Variants in UNC80 observed in about 807,000 individuals in gnomAD.
UNC80 encodes the protein unc-80 subunit of NALCN channel complex, also known as protein unc-80 homolog.
UNC80 carries 164 observed loss-of-function variants against 384.6 expected under a neutral mutation model. The ratio of observed to expected loss-of-function variants is 0.43; its 90% CI spans 0.38 to 0.49. UNC80 has a LOEUF of 0.49. Ranked by LOEUF, UNC80 falls within the 20% of genes least tolerant of loss-of-function variation. UNC80 has a pLI of 0.00. For missense variants in UNC80, 3,330 were observed against 4,143.0 expected (o/e 0.80, Z 5.39); for synonymous variants, 1,486 against 1,527.8 (o/e 0.97, Z 0.64).
intron 58 of UNC80, 107 bp from the exon 59 acceptor site, chr2:209,978,422 A>G (rs1163603881): frequency 9.2e-6 from 9 of 974,250 alleles, no homozygotes; most frequent in South Asian, 2.4e-5. Context: ...TCTGGGACAC[A>G]TTATTTAACT....
chr2:209,835,133 C>A, intron 18 of UNC80, 123 bp downstream of exon 18: 1 of 732,044 alleles, frequency 1.4e-6, no homozygotes. Flanking sequence ...TTGTTTCTAC[C>A]CTTTACATTT....
intron 59 of UNC80, 126 bp from the exon 60 acceptor site, chr2:209,982,053 A>T: frequency 1.1e-6 from 1 of 874,674 alleles, no homozygotes. Flanking sequence ...GACCAATGAT[A>T]ATTTAGATTT....
chr2:209,944,941 T>A, intron 45 of UNC80, 110 bp from the exon 46 acceptor site: 1 of 1,224,386 alleles, frequency 8.2e-7, no homozygotes. Context: ...GAATTCCAGG[T>A]AGATGTTGTA....
intron 9 of UNC80, among the ~76,000 whole-genome samples, chr2:209,816,660 C>T (rs1265436088): frequency 1.3e-5 from 2 of 152,188 alleles, no homozygotes; most frequent in African/African-American, 2.4e-5. Context: ...AGGGACCACA[C>T]TTTGCAAACC....
intron 58 of UNC80, 122 bp downstream of exon 58, chr2:209,977,200 A>G: frequency 9.7e-7 from 1 of 1,031,264 alleles, no homozygotes; most frequent in Non-Finnish European, 1.3e-6. Context: ...ATTTTGGTAC[A>G]CTGTTAGATT....
chr2:209,967,142 T>G lies in UNC80; in HGVS notation c.7806-295T>G, dbSNP rs1340019333. ...CACATGCACATTCTCAGAAATGACA[T>G]TCTCTAAATATATTTGGCCTATCCT... On this transcript the variant is annotated intron_variant, in intron 51 of 64. Transcript: ENST00000673920. Among the ~76,000 whole-genome samples, 3 of 152,342 alleles carry G rather than the reference T, an allele frequency of 2.0e-5. No individual in the cohort carries two copies. In the East Asian group the frequency reaches 5.8e-4, roughly 29 times the overall value.
intron 35 of UNC80, 82 bp downstream of exon 35, chr2:209,922,465 A>T (rs2090113222): frequency 1.4e-6 from 2 of 1,388,720 alleles, no homozygotes; most frequent in African/African-American, 1.4e-5. Flanking sequence ...ATCTCACTTG[A>T]TTACATTGTC....
Position 209,777,366 on chromosome 2 carries a change from A to G in UNC80, c.407A>G (p.Asp136Gly). The G allele has an allele frequency of 6.2e-7, 1 of 1,614,162 alleles. No individual in the cohort carries two copies. Among genetic ancestry groups the G allele is most frequent in the Admixed American group, 1.7e-5 (1 of 60,016 alleles). The change falls in exon 4 of 65, where the codon GAC becomes GGC. Residue 136 changes from aspartate (D) to glycine (G), a missense_variant. Asp to Gly is a moderately conservative substitution (Grantham distance 94). Around this residue, in one of 8 missense-constraint regions of UNC80, gnomAD observed 937 missense variants for 1,026.8 expected, o/e 0.91. Transcript: ENST00000673920. ...DCNNERFGGT[D>G]RGSSWGGSSS... ...AACAATGAGCGGTTTGGGGGTACAG[A>G]CCGAGGCTCCAGCTGGGGTGGAAGC...
intron 43 of UNC80, 51 bp from the exon 44 acceptor site, chr2:209,941,170 A>G: frequency 6.9e-7 from 1 of 1,454,734 alleles, no homozygotes; most frequent in Admixed American, 2.4e-5. Context: ...TCTCATGCTG[A>G]CAGGATTGGT....
At chr2:209,841,764 C>CT (rs760477778) in intron 20 of UNC80, among the ~76,000 whole-genome samples, 3 of 152,154 alleles carry the variant, frequency 2.0e-5, no homozygotes, top group African/African-American at 4.8e-5. Flanking sequence ...TCCTTACCTT[C>CT]TATTTGCTAA....
At chr2:209,974,049 A>G (rs903506155) in intron 56 of UNC80, among the ~76,000 whole-genome samples, 9 of 152,058 alleles carry the variant, frequency 5.9e-5, no homozygotes, top group African/African-American at 2.2e-4. Flanking sequence ...GGAAAAGACC[A>G]CTCTTGCCAT....
chr2:209,859,325 T>A (rs943610958), intron 22 of UNC80, among the ~76,000 whole-genome samples: 1 of 152,234 alleles, frequency 6.6e-6, no homozygotes, highest in Non-Finnish European at 1.5e-5. Context: ...CTGAGGATGA[T>A]GGCTGCCAGC....
intron 47 of UNC80, among the ~76,000 whole-genome samples, chr2:209,953,241 A>G (rs1288828483): frequency 6.6e-6 from 1 of 151,870 alleles, no homozygotes; most frequent in Non-Finnish European, 1.5e-5. Flanking sequence ...AACATAGTGA[A>G]ACCCTGTCTC....
In UNC80 at chr2:209,994,079, T is replaced by C. The variant is rs1160711073; in HGVS notation, c.9523T>C (p.Ser3175Pro). The change falls in exon 64 of 65, where the codon TCT becomes CCT. Residue 3175 changes from serine (S) to proline (P), a missense_variant. This residue lies in a region of UNC80 where 236 missense variants were observed against 254.9 expected (regional missense o/e 0.93). Transcript: ENST00000673920. ...KTKPSADQKR[S>P]VTFIEAQPEP... Reference sequence around the variant, plus strand: ...TCTACCTGCAGCGGATCAGAAACGATCTGTGACCTTCATTGAGGCTCAGCC... The same window carrying C: ...TCTACCTGCAGCGGATCAGAAACGACCTGTGACCTTCATTGAGGCTCAGCC... The C allele has an allele frequency of 6.4e-7, 1 of 1,550,946 alleles. No homozygotes were observed. Among genetic ancestry groups the C allele is most frequent in the Admixed American group, 2.0e-5 (1 of 50,860 alleles).
At chr2:209,978,465 G>A (rs2093067952) in intron 58 of UNC80, 64 bp from the exon 59 acceptor site, 3 of 1,359,092 alleles carry the variant, frequency 2.2e-6, no homozygotes, top group Non-Finnish European at 2.0e-6. Flanking sequence ...TGGTCAGGGA[G>A]GACTTTGAAG....
intron 23 of UNC80, among the ~76,000 whole-genome samples, chr2:209,873,498 T>G (rs1265153396): frequency 6.6e-6 from 1 of 152,184 alleles, no homozygotes; most frequent in East Asian, 1.9e-4. Flanking sequence ...AACACATATT[T>G]ATGTATGCAT....
chr2:209,808,524 T>TA (rs535979983), intron 7 of UNC80, among the ~76,000 whole-genome samples: 21,894 of 120,674 alleles, frequency 0.18, 3,396 homozygotes, highest in African/African-American at 0.43. Context: ...ATCGCGCCAC[T>TA]AAAAAAAAAA....
intron 37 of UNC80, among the ~76,000 whole-genome samples, chr2:209,930,393 G>C (rs1404815049): frequency 6.6e-6 from 1 of 152,110 alleles, no homozygotes; most frequent in Non-Finnish European, 1.5e-5. Flanking sequence ...CTTTCAAGCA[G>C]TGGCAAAATA....
At chr2:209,783,664 A>G (rs1338005799) in intron 4 of UNC80, among the ~76,000 whole-genome samples, 1 of 152,140 alleles carries the variant, frequency 6.6e-6, no homozygotes, top group Non-Finnish European at 1.5e-5. Flanking sequence ...AATAGATCAG[A>G]TGTTAAAGCC....
Sources: gnomAD v4.1 joint callset for allele counts (sites outside exome capture counted in the v4.1 genomes callset) on GRCh38, gnomAD v4.1.1 for gene constraint, gnomAD v4.1.1 regional missense constraint, MANE v1.5 for transcripts, NCBI Gene and HGNC (gene_info 2026-07-23, HGNC 2026-07-21) for gene names.